NALF1: variants seen among roughly 807,000 people sequenced by gnomAD.
NALF1 encodes NALCN channel auxiliary factor 1.
Under a neutral mutation model 48.4 loss-of-function variants are expected in NALF1, and 3 were observed. The observed-to-expected ratio is 0.06, with a 90% CI of 0.03 to 0.16. The LOEUF is 0.16. Among genes scored for constraint, NALF1 ranks in the 10% least tolerant of loss-of-function variants. NALF1 has a pLI of 1.00. For missense variants in NALF1, 526 were observed against 571.5 expected (o/e 0.92, Z 0.81); for synonymous variants, 262 against 245.7 (o/e 1.07, Z -0.62).
chr13:107,510,120 T>A (rs1229687394), intron 1 of NALF1, among the ~76,000 whole-genome samples: 1 of 152,176 alleles, frequency 6.6e-6, no homozygotes, highest in Non-Finnish European at 1.5e-5. Context: ...GCAATTAATC[T>A]TATATTTTCC....
chr13:107,188,611 G>A (rs1879223886), intron 2 of NALF1, among the ~76,000 whole-genome samples: 1 of 152,118 alleles, frequency 6.6e-6, no homozygotes, highest in Admixed American at 6.6e-5. Flanking sequence ...GATCTGTAAT[G>A]ATGAATAAAG....
chr13:107,732,123 C>A (rs890476255), intron 1 of NALF1, among the ~76,000 whole-genome samples: 2 of 152,118 alleles, frequency 1.3e-5, no homozygotes, highest in Admixed American at 1.3e-4. Context: ...TGGGCAGCAG[C>A]TTTGCTTATT....
chr13:107,241,837 G>A (rs1427180843), intron 1 of NALF1, among the ~76,000 whole-genome samples: 1 of 152,168 alleles, frequency 6.6e-6, no homozygotes, highest in Non-Finnish European at 1.5e-5. Context: ...TAAATATGAA[G>A]TGCTGTGCAG....
At chr13:107,345,436 T>C (rs1018818448) in intron 1 of NALF1, among the ~76,000 whole-genome samples, 1 of 152,084 alleles carries the variant, frequency 6.6e-6, no homozygotes, top group Admixed American at 6.5e-5. Flanking sequence ...TAAAAGGGTA[T>C]GGTATTGGCA....
chr13:107,611,944 A>G (rs1430097068), intron 1 of NALF1, among the ~76,000 whole-genome samples: 1 of 148,872 alleles, frequency 6.7e-6, no homozygotes, highest in East Asian at 2.0e-4. Context: ...AGGAAAGACA[A>G]AAAAGGAAGG....
intron 1 of NALF1, among the ~76,000 whole-genome samples, chr13:107,393,576 A>G (rs890247042): frequency 2.6e-5 from 4 of 152,186 alleles, no homozygotes; most frequent in African/African-American, 9.6e-5. Context: ...TCCATGGCTC[A>G]GTGGGCCCGC....
intron 1 of NALF1, among the ~76,000 whole-genome samples, chr13:107,359,276 G>A: frequency 6.6e-6 from 1 of 151,920 alleles, no homozygotes; most frequent in Middle Eastern, 3.2e-3. Flanking sequence ...ATGGTACCAT[G>A]GATTTGCTGG....
At chr13:107,764,243 T>A (rs1031492483) in intron 1 of NALF1, among the ~76,000 whole-genome samples, 1 of 152,174 alleles carries the variant, frequency 6.6e-6, no homozygotes, top group Non-Finnish European at 1.5e-5. Context: ...ATATATGATG[T>A]TGCATAATGT....
chr13:107,797,501 G>T (rs1385767663), intron 1 of NALF1, among the ~76,000 whole-genome samples: 1 of 152,088 alleles, frequency 6.6e-6, no homozygotes, highest in Non-Finnish European at 1.5e-5. Context: ...GAGCCACCGC[G>T]CCCGGCCCAC....
chr13:107,214,126 G>A (rs1354331181), intron 1 of NALF1, among the ~76,000 whole-genome samples: 1 of 152,148 alleles, frequency 6.6e-6, no homozygotes, highest in Non-Finnish European at 1.5e-5. Context: ...GTCAAAACAC[G>A]ATGAGGAAGA....
At chr13:107,254,844 G>C (rs1256715439) in intron 1 of NALF1, among the ~76,000 whole-genome samples, 1 of 152,068 alleles carries the variant, frequency 6.6e-6, no homozygotes, top group African/African-American at 2.4e-5. Flanking sequence ...TTAGCCCATT[G>C]ACTTACAGCC....
rs75357743 is a variant in NALF1, at chr13:107,242,674, C to T, written c.916-31919G>A. On this transcript the variant is annotated intron_variant, in intron 1 of 2. Coordinates refer to ENST00000375915, the MANE Select transcript of NALF1 (RefSeq NM_001080396.3). ...CTCATTACTTATGCCTTTTTGTTTA[C>T]CTAAATGATCCATTTTGCAGTATGC... 3.0e-4 allele frequency among the ~76,000 whole-genome samples: 46 copies of T among 152,136 alleles called. No homozygotes were observed. In the East Asian group the frequency reaches 8.7e-3, roughly 29 times the overall value.
intron 1 of NALF1, among the ~76,000 whole-genome samples, chr13:107,421,208 T>C (rs971178017): frequency 6.6e-6 from 1 of 152,150 alleles, no homozygotes; most frequent in Non-Finnish European, 1.5e-5. Context: ...TAAATAAACA[T>C]TGGTCTTCGT....
At chr13:107,759,671 C>T (rs116124281) in intron 1 of NALF1, among the ~76,000 whole-genome samples, 1 of 152,186 alleles carries the variant, frequency 6.6e-6, no homozygotes, top group African/African-American at 2.4e-5. Context: ...TGTGTTCTCC[C>T]CTTACCTTAC....
rs141696383 is a variant in NALF1 at position 107,581,845 on chromosome 13, C to T, written c.915+283837G>A. ...CACATACAGTTCATTAAAATAGTCTCCCATTTTTGGTGACTGTTCTCACCT... is the reference window on the plus strand; with the variant it reads ...CACATACAGTTCATTAAAATAGTCTTCCATTTTTGGTGACTGTTCTCACCT... On this transcript the variant is annotated intron_variant, in intron 1 of 2. Coordinates refer to ENST00000375915, the MANE Select transcript of NALF1 (RefSeq NM_001080396.3). Among the ~76,000 whole-genome samples, 285 of 152,298 alleles carry T rather than the reference C, an allele frequency of 1.9e-3. 1 individual carries two copies. Among genetic ancestry groups the T allele is most frequent in the African/African-American group, 6.5e-3 (272 of 41,576 alleles).
intron 1 of NALF1, among the ~76,000 whole-genome samples, chr13:107,565,103 C>CAAAAAAAAAAAAA: frequency 1.3e-5 from 1 of 77,326 alleles, no homozygotes; most frequent in Non-Finnish European, 2.6e-5. Context: ...AAGTAAAAGA[C>CAAAAAAAAAAAAA]AAAAAAAAAA....
intron 1 of NALF1, among the ~76,000 whole-genome samples, chr13:107,842,719 T>G (rs754331033): frequency 6.6e-6 from 1 of 151,956 alleles, no homozygotes; most frequent in Non-Finnish European, 1.5e-5. Context: ...TAAAAGCTAA[T>G]AAATCTCTGA....
rs140742508 is a variant in NALF1, at chr13:107,629,923, C to A, written c.915+235759G>T. Among the ~76,000 whole-genome samples the A allele has an allele frequency of 2.0e-3, 304 of 152,210 alleles. 1 individual carries two copies. The highest frequency in any genetic ancestry group is 7.1e-3 in the African/African-American group (296 of 41,530). ...TGTGTTACAGCTTCTGAACTAGTAT[C>A]TTCGCATTCAAGATCTTCTCACTGT... On this transcript the variant is annotated intron_variant, in intron 1 of 2. Transcript: ENST00000375915.
Position 107,400,885 on chromosome 13 carries a change from AG to A in NALF1, c.916-190131del, listed in dbSNP as rs144167899. 6.4e-3 allele frequency among the ~76,000 whole-genome samples: 968 copies of A among 152,238 alleles called. 7 individuals carry two copies. The highest frequency in any genetic ancestry group is 0.022 in the African/African-American group (912 of 41,556). ...GGGCTCAAAAGCAATTCACTGGGCC[AG>A]TTTAGATGAGATCCCACATACACAC... On this transcript the variant is annotated intron_variant, in intron 1 of 2. Transcript: ENST00000375915.
Sources: allele counts gnomAD v4.1 joint callset (sites outside exome capture counted in the v4.1 genomes callset), GRCh38; gene constraint gnomAD v4.1.1; transcripts MANE v1.5; gene names NCBI Gene and HGNC (gene_info 2026-07-23, HGNC 2026-07-21).